Variants in NRXN1 observed in about 807,000 individuals in gnomAD.
NRXN1 encodes neurexin 1.
NRXN1 carries 39 observed loss-of-function variants against 150.9 expected under a neutral mutation model. That is an observed-to-expected ratio of 0.26 (90% confidence interval 0.20 to 0.34). NRXN1 has a LOEUF of 0.34. Among genes scored for constraint, NRXN1 ranks in the 10% least tolerant of loss-of-function variants. The pLI, the probability that NRXN1 is intolerant of heterozygous loss-of-function variation, is 1.00. For synonymous variants in NRXN1, 924 were observed against 757.0 expected (o/e 1.22, Z -3.62); for missense variants, 1,815 against 1,949.9 (o/e 0.93, Z 1.30).
chr2:50,162,869 AT>A (rs1482031344), intron 18 of NRXN1, among the ~76,000 whole-genome samples: 2 of 152,072 alleles, frequency 1.3e-5, no homozygotes, highest in African/African-American at 4.8e-5. Flanking sequence ...TTTGTATAAA[AT>A]TTTTAAAATT....
chr2:50,436,327 C>T (rs75711859), intron 17 of NRXN1, among the ~76,000 whole-genome samples: 36,152 of 152,014 alleles, frequency 0.24, 4,747 homozygotes, highest in East Asian at 0.39. Context: ...GTGGCACATG[C>T]CTGTAATCCC....
At chr2:50,389,396 A>G (rs2081540163) in intron 17 of NRXN1, among the ~76,000 whole-genome samples, 1 of 151,404 alleles carries the variant, frequency 6.6e-6, no homozygotes, top group Non-Finnish European at 1.5e-5. Flanking sequence ...TTCTGAGACA[A>G]TGTCCACCAG....
intron 17 of NRXN1, among the ~76,000 whole-genome samples, chr2:50,317,199 G>A (rs534151691): frequency 6.6e-6 from 1 of 151,892 alleles, no homozygotes; most frequent in East Asian, 1.9e-4. Flanking sequence ...AGGGGAAAGA[G>A]AATGGACAAA....
intron 21 of NRXN1, chr2:50,023,040 C>G (rs1405373386): frequency 6.6e-6 from 1 of 152,134 alleles, no homozygotes; most frequent in African/African-American, 2.4e-5. Context: ...CTCACTGATA[C>G]CCAGGGAAGA....
intron 17 of NRXN1, among the ~76,000 whole-genome samples, chr2:50,286,716 A>C (rs1405584361): frequency 2.0e-5 from 3 of 152,142 alleles, no homozygotes; most frequent in Non-Finnish European, 4.4e-5. Context: ...TACATTAAAA[A>C]ATTGTGAGGC....
intron 21 of NRXN1, among the ~76,000 whole-genome samples, chr2:50,034,540 G>T (rs1296714198): frequency 6.6e-6 from 1 of 151,630 alleles, no homozygotes; most frequent in Non-Finnish European, 1.5e-5. Flanking sequence ...ATAACTAATG[G>T]GTATTAGGCT....
At chr2:50,287,230 T>A (rs1388744602) in intron 17 of NRXN1, among the ~76,000 whole-genome samples, 1 of 152,110 alleles carries the variant, frequency 6.6e-6, no homozygotes, top group Non-Finnish European at 1.5e-5. Flanking sequence ...TTCCTATAAT[T>A]TCCTGGATTG....
intron 17 of NRXN1, among the ~76,000 whole-genome samples, chr2:50,453,035 A>G (rs2087146763): frequency 6.6e-6 from 1 of 152,222 alleles, no homozygotes; most frequent in Non-Finnish European, 1.5e-5. Context: ...CATATATTAA[A>G]TATCCAAGAT....
chr2:50,837,505 T>C (rs529584404), intron 5 of NRXN1, among the ~76,000 whole-genome samples: 80 of 152,254 alleles, frequency 5.3e-4, no homozygotes, highest in African/African-American at 1.8e-3. Context: ...GGAAAATCAA[T>C]TTTAACTTAT....
At chr2:50,240,929 T>C (rs1226749341) in intron 17 of NRXN1, among the ~76,000 whole-genome samples, 3 of 151,734 alleles carry the variant, frequency 2.0e-5, no homozygotes, top group African/African-American at 4.8e-5. Flanking sequence ...GTAACATTGT[T>C]TTATTTTAAT....
chr2:50,197,071 A>C (rs2152829190), intron 18 of NRXN1, among the ~76,000 whole-genome samples: 1 of 152,282 alleles, frequency 6.6e-6, no homozygotes, highest in African/African-American at 2.4e-5. Context: ...AAAGTTTAAA[A>C]ATATATCAAA....
chr2:50,013,840 T>A (rs763371090), intron 21 of NRXN1, among the ~76,000 whole-genome samples: 6 of 152,144 alleles, frequency 3.9e-5, no homozygotes, highest in Non-Finnish European at 8.8e-5. Context: ...AAAGCAAACC[T>A]ACATGAAAGA....
intron 5 of NRXN1, chr2:50,919,190 T>A (rs1345104222): frequency 2.0e-5 from 3 of 151,770 alleles, no homozygotes; most frequent in South Asian, 4.1e-4. Flanking sequence ...TCGCCATTTT[T>A]GTCATGTACA....
intron 18 of NRXN1, among the ~76,000 whole-genome samples, chr2:50,225,786 C>T (rs555192495): frequency 2.6e-4 from 40 of 151,954 alleles, no homozygotes; most frequent in African/African-American, 8.0e-4. Flanking sequence ...ATTATTTATG[C>T]CCCAAACTTA....
At chr2:50,724,254 G>A (rs1326291542) in intron 5 of NRXN1, among the ~76,000 whole-genome samples, 1 of 152,048 alleles carries the variant, frequency 6.6e-6, no homozygotes, top group Admixed American at 6.5e-5. Flanking sequence ...TACTATATAA[G>A]GTGCTTTAAT....
intron 5 of NRXN1, among the ~76,000 whole-genome samples, chr2:50,857,412 G>A (rs539661062): frequency 1.3e-5 from 2 of 152,134 alleles, no homozygotes; most frequent in Admixed American, 1.3e-4. Flanking sequence ...GTTGATTTGA[G>A]GTGTGAAAAA....
intron 18 of NRXN1, among the ~76,000 whole-genome samples, chr2:50,235,056 A>G (rs2065289126): frequency 6.6e-6 from 1 of 152,104 alleles, no homozygotes; most frequent in African/African-American, 2.4e-5. Context: ...GTGATTTGAG[A>G]GTGATCATTG....
intron 18 of NRXN1, among the ~76,000 whole-genome samples, chr2:50,202,398 C>T (rs941087537): frequency 2.6e-5 from 4 of 151,984 alleles, no homozygotes; most frequent in Non-Finnish European, 4.4e-5. Context: ...CCCAGCTACT[C>T]GGGAGACTAA....
intron 18 of NRXN1, among the ~76,000 whole-genome samples, chr2:50,141,395 C>G (rs1224332891): frequency 6.6e-6 from 1 of 151,922 alleles, no homozygotes; most frequent in African/African-American, 2.4e-5. Flanking sequence ...AGACATTGGT[C>G]TAGGCAAAGA....
Sources: allele counts gnomAD v4.1 joint callset (sites outside exome capture counted in the v4.1 genomes callset), GRCh38; gene constraint gnomAD v4.1.1; transcripts MANE v1.5; gene names NCBI Gene and HGNC (gene_info 2026-07-23, HGNC 2026-07-21).